Variants in RIMS2 observed in about 807,000 individuals in gnomAD.
RIMS2 encodes the protein regulating synaptic membrane exocytosis 2.
Under a neutral mutation model 174.4 loss-of-function variants are expected in RIMS2, and 59 were observed. The observed-to-expected ratio is 0.34, with a 90% CI of 0.27 to 0.42. The LOEUF (loss-of-function observed/expected upper bound fraction) is 0.42. Ranked by LOEUF, RIMS2 falls within the 10% of genes least tolerant of loss-of-function variation. The probability of loss-of-function intolerance (pLI) is 1.00; values close to 1 mark genes in which losing one functional copy is unlikely to be tolerated. For synonymous variants in RIMS2, 606 were observed against 572.5 expected (o/e 1.06, Z -0.84); for missense variants, 1,620 against 1,666.3 (o/e 0.97, Z 0.48).
intron 19 of RIMS2, among the ~76,000 whole-genome samples, chr8:104,187,825 G>C (rs2098976068): frequency 1.3e-5 from 2 of 151,642 alleles, no homozygotes; most frequent in East Asian, 3.9e-4. Context: ...AATTTTTCAA[G>C]CTTGGTATAA....
chr8:104,009,203 A>G (rs1420867929), intron 17 of RIMS2, among the ~76,000 whole-genome samples: 1 of 151,666 alleles, frequency 6.6e-6, no homozygotes, highest in Admixed American at 6.6e-5. Flanking sequence ...ATATTTTATC[A>G]TATATTTATA....
At chr8:103,684,853 C>T (rs908737996) in intron 1 of RIMS2, among the ~76,000 whole-genome samples, 1 of 152,052 alleles carries the variant, frequency 6.6e-6, no homozygotes, top group South Asian at 2.1e-4. Flanking sequence ...TCCCAAAGTG[C>T]TGGGATTACA....
intron 14 of RIMS2, among the ~76,000 whole-genome samples, chr8:103,949,614 G>A (rs1015086865): frequency 2.6e-5 from 4 of 152,170 alleles, no homozygotes; most frequent in African/African-American, 7.2e-5. Context: ...CTAATGTATC[G>A]ATATTCATGG....
intron 1 of RIMS2, among the ~76,000 whole-genome samples, chr8:103,602,993 T>G (rs2094834574): frequency 6.6e-6 from 1 of 152,082 alleles, no homozygotes; most frequent in Admixed American, 6.6e-5. Context: ...TTTTTTATTT[T>G]TATTTTTTAT....
intron 1 of RIMS2, among the ~76,000 whole-genome samples, chr8:103,506,323 A>C (rs1029602384): frequency 6.6e-6 from 1 of 152,142 alleles, no homozygotes; most frequent in Non-Finnish European, 1.5e-5. Context: ...TTTGATAAAG[A>C]ACTAATTATA....
chr8:104,072,484 T>G (rs908850982), intron 19 of RIMS2, among the ~76,000 whole-genome samples: 1 of 152,156 alleles, frequency 6.6e-6, no homozygotes, highest in African/African-American at 2.4e-5. Flanking sequence ...ACATAGCCAC[T>G]AAGTCATGGA....
chr8:103,679,191 C>G (rs1269484107), intron 1 of RIMS2, among the ~76,000 whole-genome samples: 1 of 151,960 alleles, frequency 6.6e-6, no homozygotes, highest in Admixed American at 6.6e-5. Flanking sequence ...TTCTCCCCTT[C>G]CCCCGAAACC....
intron 1 of RIMS2, among the ~76,000 whole-genome samples, chr8:103,543,431 C>T (rs1018085603): frequency 3.9e-5 from 6 of 152,120 alleles, no homozygotes; most frequent in Non-Finnish European, 7.4e-5. Context: ...AATGTTCATA[C>T]TACTCAAAAC....
chr8:103,934,323 A>G (rs2080732061), intron 12 of RIMS2, among the ~76,000 whole-genome samples: 2 of 152,106 alleles, frequency 1.3e-5, no homozygotes, highest in Non-Finnish European at 2.9e-5. Flanking sequence ...TGATCTCTAT[A>G]GCATGCTTAT....
At chr8:103,912,546 G>C (rs751878824) in intron 6 of RIMS2, among the ~76,000 whole-genome samples, 3 of 151,892 alleles carry the variant, frequency 2.0e-5, no homozygotes, top group Non-Finnish European at 4.4e-5. Context: ...ATGAAAACTT[G>C]GGAAATGTAA....
chr8:104,145,079 C>T (rs892009141), intron 19 of RIMS2, among the ~76,000 whole-genome samples: 4 of 152,170 alleles, frequency 2.6e-5, no homozygotes, highest in African/African-American at 9.7e-5. Flanking sequence ...TTTATTTAAA[C>T]ATCCACTGTT....
At chr8:104,238,320 G>A (rs2099269560) in intron 19 of RIMS2, among the ~76,000 whole-genome samples, 1 of 152,080 alleles carries the variant, frequency 6.6e-6, no homozygotes, top group Non-Finnish European at 1.5e-5. Context: ...CAAGGGGAGG[G>A]AGAGCATTAA....
At chr8:104,032,737 T>G (rs1235469050) in intron 19 of RIMS2, among the ~76,000 whole-genome samples, 1 of 152,030 alleles carries the variant, frequency 6.6e-6, no homozygotes, top group Non-Finnish European at 1.5e-5. Flanking sequence ...AATGTTAAAG[T>G]ATTTTTATGT....
intron 1 of RIMS2, among the ~76,000 whole-genome samples, chr8:103,510,924 A>T (rs1393862702): frequency 6.6e-6 from 1 of 152,206 alleles, no homozygotes; most frequent in East Asian, 1.9e-4. Flanking sequence ...GAGTGCCAGT[A>T]GATATAAATT....
chr8:104,073,564 A>G (rs1037777015), intron 19 of RIMS2, among the ~76,000 whole-genome samples: 3 of 152,118 alleles, frequency 2.0e-5, no homozygotes, highest in Admixed American at 2.0e-4. Context: ...CCATTCTCTT[A>G]TTTGTCTCCC....
At chr8:103,858,309 A>T (rs2099039088) in intron 3 of RIMS2, among the ~76,000 whole-genome samples, 1 of 152,148 alleles carries the variant, frequency 6.6e-6, no homozygotes, top group African/African-American at 2.4e-5. Context: ...GTCTATCATA[A>T]TGCTTTGTAG....
At chr8:103,886,432 G>A (rs565941731) in intron 4 of RIMS2, among the ~76,000 whole-genome samples, 2 of 151,758 alleles carry the variant, frequency 1.3e-5, no homozygotes, top group African/African-American at 4.8e-5. Flanking sequence ...ATGTTCTATT[G>A]ATTTTTAAAA....
intron 1 of RIMS2, among the ~76,000 whole-genome samples, chr8:103,602,005 C>T (rs1323765466): frequency 6.6e-6 from 1 of 151,884 alleles, no homozygotes; most frequent in African/African-American, 2.4e-5. Context: ...GAGATGGTGT[C>T]TCACTCTTAT....
At chr8:103,797,679 A>T (rs1285251972) in intron 3 of RIMS2, among the ~76,000 whole-genome samples, 1 of 152,168 alleles carries the variant, frequency 6.6e-6, no homozygotes, top group African/African-American at 2.4e-5. Context: ...TTTCTTAGAA[A>T]CTGGCAATGG....
Sources: gnomAD v4.1 joint callset for allele counts (sites outside exome capture counted in the v4.1 genomes callset) on GRCh38, gnomAD v4.1.1 for gene constraint, MANE v1.5 for transcripts, NCBI Gene and HGNC (gene_info 2026-07-23, HGNC 2026-07-21) for gene names.